ARHGAP28: variants seen among roughly 807,000 people sequenced by gnomAD.
ARHGAP28 encodes the protein Rho GTPase activating protein 28.
ARHGAP28 carries 56 observed loss-of-function variants against 90.7 expected under a neutral mutation model. That is an observed-to-expected ratio of 0.62 (90% CI 0.50 to 0.77). The LOEUF (loss-of-function observed/expected upper bound fraction) is 0.77, where lower values mean the gene tolerates loss of function less well. Among genes scored for constraint, ARHGAP28 ranks in the 30% least tolerant of loss-of-function variants. The pLI is 0.00. For synonymous variants in ARHGAP28, 308 were observed against 323.3 expected, an observed-to-expected ratio of 0.95 and a Z score of 0.51; for missense variants, 869 against 900.9, an observed-to-expected ratio of 0.96 and a Z score of 0.45.
Position 6,824,856 on chromosome 18 carries a change from G to T in ARHGAP28, c.217G>T (p.Val73Leu). 1 of 1,536,314 alleles carries T rather than the reference G, an allele frequency of 6.5e-7. No homozygotes were observed. Among genetic ancestry groups the T allele is most frequent in the Non-Finnish European group, 8.7e-7 (1 of 1,146,948 alleles). ...AFSRSNSEAS[V>L]DSASMEDFWR... ...CAGCCGTTCCAACTCAGAAGCCTCCGTAGACAGCGCCTCCATGGAGGATTT... is the reference window on the plus strand; with the variant it reads ...CAGCCGTTCCAACTCAGAAGCCTCCTTAGACAGCGCCTCCATGGAGGATTT... The change falls in exon 2 of 18, where the codon GTA (valine) becomes TTA (leucine). Residue 73 changes from valine (V) to leucine (L), a missense_variant. Val to Leu is a conservative substitution (Grantham distance 32, BLOSUM62 1). Coordinates refer to ENST00000383472, the MANE Select transcript of ARHGAP28 (RefSeq NM_001366230.1).
chr18:6,841,190 T>TCCC, intron 3 of ARHGAP28, among the ~76,000 whole-genome samples: 1 of 66,536 alleles, frequency 1.5e-5, no homozygotes, highest in Non-Finnish European at 2.8e-5. Flanking sequence ...CCTCTCTCTC[T>TCCC]CTCTCTCTCT....
intron 4 of ARHGAP28, among the ~76,000 whole-genome samples, chr18:6,859,040 A>G (rs1335363346): frequency 6.6e-6 from 1 of 152,080 alleles, no homozygotes; most frequent in Non-Finnish European, 1.5e-5. Flanking sequence ...GCACCATACT[A>G]CACTGCAACA....
intron 4 of ARHGAP28, among the ~76,000 whole-genome samples, chr18:6,857,390 G>A (rs1330357501): frequency 1.1e-4 from 17 of 152,144 alleles, no homozygotes; most frequent in Admixed American, 1.0e-3. Context: ...AGATATAAAC[G>A]TTTAGTTTTT....
intron 16 of ARHGAP28, among the ~76,000 whole-genome samples, chr18:6,905,231 G>A (rs1254405258): frequency 6.6e-6 from 1 of 151,894 alleles, no homozygotes; most frequent in Non-Finnish European, 1.5e-5. Flanking sequence ...AACCAACTGG[G>A]ATTTTTTTTC....
chr18:6,898,292 T>G, intron 16 of ARHGAP28: 1 of 482,458 alleles, frequency 2.1e-6, no homozygotes. Flanking sequence ...CCTCAAACGT[T>G]TTTTTTCTCC....
At chr18:6,752,872 G>C (rs2056080852) in intron 1 of ARHGAP28, among the ~76,000 whole-genome samples, 1 of 151,992 alleles carries the variant, frequency 6.6e-6, no homozygotes, top group Non-Finnish European at 1.5e-5. Flanking sequence ...GTTGCACCAA[G>C]TCATGGGTTT....
At chr18:6,882,537 T>TC (rs1199625959) in intron 11 of ARHGAP28, among the ~76,000 whole-genome samples, 2 of 152,154 alleles carry the variant, frequency 1.3e-5, no homozygotes, top group East Asian at 3.9e-4. Flanking sequence ...ACCAGGCTCT[T>TC]GAGATTTGGA....
intron 1 of ARHGAP28, among the ~76,000 whole-genome samples, chr18:6,802,521 T>G (rs1024563738): frequency 6.6e-6 from 1 of 151,964 alleles, no homozygotes; most frequent in Non-Finnish European, 1.5e-5. Context: ...AATTTTTGTA[T>G]TTTTAATAGA....
At chr18:6,753,458 G>A (rs2056085895) in intron 1 of ARHGAP28, among the ~76,000 whole-genome samples, 1 of 152,132 alleles carries the variant, frequency 6.6e-6, no homozygotes, top group South Asian at 2.1e-4. Context: ...ATCTGTGTGT[G>A]TGTGATTCAC....
chr18:6,900,386 A>G (rs1338059774), intron 16 of ARHGAP28, among the ~76,000 whole-genome samples: 1 of 152,230 alleles, frequency 6.6e-6, no homozygotes, highest in Non-Finnish European at 1.5e-5. Context: ...AACTATCACA[A>G]AAAGTACCTC....
chr18:6,850,853 A>G lies in ARHGAP28; in HGVS notation c.544-181A>G, dbSNP rs867413528. The G allele has an allele frequency of 2.6e-6, 4 of 1,520,978 alleles. No individual in the cohort carries two copies. In the East Asian group the frequency reaches 9.8e-5, roughly 37 times the overall value. The allele number at this position is 1,520,978 out of a possible 1,614,324, so 94.2% of individuals were successfully genotyped here. On this transcript the variant is annotated intron_variant, in intron 3 of 17. Transcript: ENST00000383472. ...GTTACAGTACATGGCATTTATGAGG[A>G]TCAATGTAATTATGAATGAATTGGT...
intron 11 of ARHGAP28, among the ~76,000 whole-genome samples, chr18:6,884,958 A>G (rs2057209069): frequency 6.6e-6 from 1 of 152,254 alleles, no homozygotes; most frequent in Non-Finnish European, 1.5e-5. Context: ...GTTACAAAAC[A>G]TACTTTATAG....
chr18:6,888,307 A>G (rs2057237689), intron 12 of ARHGAP28, among the ~76,000 whole-genome samples: 1 of 152,190 alleles, frequency 6.6e-6, no homozygotes, highest in African/African-American at 2.4e-5. Context: ...TTTTAAGTAC[A>G]ACAGGTATTT....
chr18:6,777,574 A>T (rs1355334584), intron 1 of ARHGAP28, among the ~76,000 whole-genome samples: 2 of 152,048 alleles, frequency 1.3e-5, no homozygotes, highest in Non-Finnish European at 2.9e-5. Context: ...AGTTTTTAAA[A>T]ATTAGCAGGT....
chr18:6,847,820 C>T (rs2056878386), intron 3 of ARHGAP28, among the ~76,000 whole-genome samples: 1 of 152,116 alleles, frequency 6.6e-6, no homozygotes, highest in African/African-American at 2.4e-5. Context: ...AATAGTCCTA[C>T]CCATGGCTGG....
intron 1 of ARHGAP28, among the ~76,000 whole-genome samples, chr18:6,766,857 C>G (rs1217020505): frequency 6.6e-6 from 1 of 152,204 alleles, no homozygotes; most frequent in Non-Finnish European, 1.5e-5. Context: ...ATCTACCTGT[C>G]TGAATGATGT....
At chr18:6,894,691 C>T in intron 14 of ARHGAP28, 144 bp from the exon 15 acceptor site, 1 of 639,028 alleles carries the variant, frequency 1.6e-6, no homozygotes, top group South Asian at 1.9e-5. Flanking sequence ...AGATGTGGAG[C>T]TGTTGGATTA....
chr18:6,808,464 G>A (rs1205432140), intron 1 of ARHGAP28, among the ~76,000 whole-genome samples: 1 of 151,650 alleles, frequency 6.6e-6, no homozygotes, highest in Admixed American at 6.6e-5. Context: ...CATTTATTAA[G>A]TAATTTTCAT....
At chr18:6,780,225 C>T (rs2056313447) in intron 1 of ARHGAP28, among the ~76,000 whole-genome samples, 2 of 152,154 alleles carry the variant, frequency 1.3e-5, no homozygotes, top group South Asian at 2.1e-4. Flanking sequence ...CAAGCATTCA[C>T]ATAAAGTCAG....
Sources: gnomAD v4.1 joint callset for allele counts (sites outside exome capture counted in the v4.1 genomes callset) on GRCh38, gnomAD v4.1.1 for gene constraint, MANE v1.5 for transcripts, NCBI Gene and HGNC (gene_info 2026-07-23, HGNC 2026-07-21) for gene names.